SMCO2: variants seen among roughly 807,000 people sequenced by gnomAD.
SMCO2 encodes the protein single-pass membrane protein with coiled-coil domains 2.
Under a neutral mutation model 29.5 loss-of-function variants are expected in SMCO2, and 25 were observed. The observed-to-expected ratio is 0.85, with a 90% confidence interval of 0.62 to 1.18. The LOEUF is 1.18. SMCO2 is among the 50% of genes most tolerant of loss of function. The pLI is 0.00. For synonymous variants in SMCO2, 117 were observed against 123.3 expected, an observed-to-expected ratio of 0.95 and a Z score of 0.34; for missense variants, 348 against 344.5, an observed-to-expected ratio of 1.01 and a Z score of -0.08.
intron 5 of SMCO2, among the ~76,000 whole-genome samples, chr12:27,490,512 A>C (rs1187484082): frequency 2.0e-5 from 3 of 152,240 alleles, no homozygotes; most frequent in African/African-American, 7.2e-5. Flanking sequence ...TACTGTATGT[A>C]AATTATATCT....
At chr12:27,475,053 T>TAA in intron 4 of SMCO2, 140 bp downstream of exon 4, 1 of 967,010 alleles carries the variant, frequency 1.0e-6, no homozygotes, top group Non-Finnish European at 1.5e-6. Context: ...TGTGCATAGG[T>TAA]AACTACCTAC....
At chr12:27,436,177 T>C in the SMCO2 span, among the ~76,000 whole-genome samples, 15 of 152,140 alleles carry the variant, frequency 9.9e-5, no homozygotes, top group Non-Finnish European at 2.2e-4. Flanking sequence ...CTCCCAAATG[T>C]CCCACCTCCT....
chr12:27,424,602 A>G, the SMCO2 span: 1 of 152,210 alleles, frequency 6.6e-6, no homozygotes, highest in East Asian at 1.9e-4. Context: ...AGGTACAAGA[A>G]ATAGCCAATA....
At chr12:27,447,567 G>A in the SMCO2 span, among the ~76,000 whole-genome samples, 1 of 151,912 alleles carries the variant, frequency 6.6e-6, no homozygotes, top group Non-Finnish European at 1.5e-5. Context: ...AGACCAGCCT[G>A]GCAACACAGC....
At chr12:27,430,003 G>A in the SMCO2 span, among the ~76,000 whole-genome samples, 2 of 152,254 alleles carry the variant, frequency 1.3e-5, no homozygotes, top group African/African-American at 4.8e-5. Context: ...TTATACTAAA[G>A]TCTTTGATCT....
intron 5 of SMCO2, 30 bp downstream of exon 6, chr12:27,488,577 G>A (rs1448942147): frequency 1.4e-6 from 2 of 1,480,884 alleles, no homozygotes; most frequent in Non-Finnish European, 1.8e-6. Flanking sequence ...AAGACTGAGA[G>A]GTTGGGGATT....
chr12:27,430,821 A>C, the SMCO2 span, among the ~76,000 whole-genome samples: 1 of 152,130 alleles, frequency 6.6e-6, no homozygotes, highest in Non-Finnish European at 1.5e-5. Flanking sequence ...TTAAGAGTTA[A>C]GTAACTTAAC....
the SMCO2 span, among the ~76,000 whole-genome samples, chr12:27,430,281 T>A: frequency 1.3e-5 from 2 of 152,298 alleles, no homozygotes; most frequent in Middle Eastern, 3.4e-3. Flanking sequence ...CACAGTAGAG[T>A]TTGATACTGA....
intron 3 of SMCO2, among the ~76,000 whole-genome samples, chr12:27,474,545 T>A (rs909487490): frequency 6.6e-6 from 1 of 152,170 alleles, no homozygotes; most frequent in Non-Finnish European, 1.5e-5. Flanking sequence ...CGATTACTCA[T>A]CAGGACTGAA....
At chr12:27,492,406 C>T (rs959669422) in intron 5 of SMCO2, among the ~76,000 whole-genome samples, 2 of 152,128 alleles carry the variant, frequency 1.3e-5, no homozygotes, top group African/African-American at 4.8e-5. Context: ...CTTTAAGCAT[C>T]TATTTCTGAG....
chr12:27,425,065 T>C, the SMCO2 span: 2 of 152,194 alleles, frequency 1.3e-5, no homozygotes, highest in Non-Finnish European at 2.9e-5. Context: ...GGAACATGCT[T>C]TCTGAACTCA....
chr12:27,499,256 CA>C lies in SMCO2; in HGVS notation c.684-2661del, dbSNP rs900410835. Among the ~76,000 whole-genome samples the C allele has an allele frequency of 1.6e-4, 24 of 150,624 alleles. 2 individuals are homozygous for C. Among genetic ancestry groups the C allele is most frequent in the Admixed American group, 3.3e-4 (5 of 15,196 alleles). On this transcript the variant is annotated intron_variant, in intron 7 of 7. Transcript: ENST00000298876. ...CACACAATGAACTATTATTCAGCTG[CA>C]AAAAAGAATGATGTACTGATACATA...
intron 7 of SMCO2, among the ~76,000 whole-genome samples, chr12:27,501,171 C>T (rs1279873015): frequency 6.7e-6 from 1 of 149,888 alleles, no homozygotes; most frequent in African/African-American, 2.5e-5. Context: ...AATCCCAGCA[C>T]TTTGGGAGGC....
chr12:27,499,933 T>C (rs765939014), intron 7 of SMCO2, among the ~76,000 whole-genome samples: 2 of 150,486 alleles, frequency 1.3e-5, no homozygotes, highest in Non-Finnish European at 2.9e-5. Context: ...TTTATGGTCA[T>C]CCCCTATGTA....
At chr12:27,433,522 C>A in the SMCO2 span, among the ~76,000 whole-genome samples, 2 of 150,928 alleles carry the variant, frequency 1.3e-5, no homozygotes, top group South Asian at 4.2e-4. Flanking sequence ...CACACACACA[C>A]ACACACACAC....
the SMCO2 span, among the ~76,000 whole-genome samples, chr12:27,455,028 G>T: frequency 6.6e-6 from 1 of 152,022 alleles, no homozygotes; most frequent in African/African-American, 2.4e-5. Flanking sequence ...TTATTTCTAG[G>T]AATTAAATTG....
the SMCO2 span, chr12:27,424,273 A>G: frequency 2.0e-5 from 3 of 152,232 alleles, no homozygotes; most frequent in Non-Finnish European, 2.9e-5. Flanking sequence ...AAGAACAATT[A>G]TTTATTGATC....
At chr12:27,463,360 G>A (rs1949472858), upstream of SMCO2, among the ~76,000 whole-genome samples, 1 of 152,138 alleles carries the variant, frequency 6.6e-6, no homozygotes, top group African/African-American at 2.4e-5. Flanking sequence ...TGCCTCCAGG[G>A]TTCAAGCAAT....
the SMCO2 span, among the ~76,000 whole-genome samples, chr12:27,436,399 A>G: frequency 2.6e-5 from 4 of 152,248 alleles, no homozygotes; most frequent in South Asian, 8.3e-4. Flanking sequence ...ATGGAAAACT[A>G]AGGAGTGACC....
Sources: gnomAD v4.1 joint callset for allele counts (sites outside exome capture counted in the v4.1 genomes callset) on GRCh38, gnomAD v4.1.1 for gene constraint, MANE v1.5 for transcripts, NCBI Gene and HGNC (gene_info 2026-07-23, HGNC 2026-07-21) for gene names.